Variants in GALNT17 observed in about 807,000 individuals in gnomAD.
The protein encoded by GALNT17 is polypeptide N-acetylgalactosaminyltransferase 17, also known as UDP-GalNAc:polypeptide N-acetylgalactosaminyltransferase-like 3.
GALNT17 carries 29 observed loss-of-function variants against 63.7 expected under a neutral mutation model. That is an observed-to-expected ratio of 0.46 (90% CI 0.34 to 0.62). The LOEUF is 0.62. Ranked by LOEUF, GALNT17 falls within the 20% of genes least tolerant of loss-of-function variation. GALNT17 has a pLI of 0.01. For missense variants in GALNT17, 603 were observed against 799.6 expected, an observed-to-expected ratio of 0.75 and a Z score of 2.97; for synonymous variants, 305 against 318.3, an observed-to-expected ratio of 0.96 and a Z score of 0.45.
At chr7:71,705,405 T>C (rs185836792) in intron 9 of GALNT17, among the ~76,000 whole-genome samples, 1 of 152,286 alleles carries the variant, frequency 6.6e-6, no homozygotes, top group African/African-American at 2.4e-5. Context: ...CCCCGGTTCA[T>C]TGCTGGTGGG....
At chr7:71,245,760 G>A (rs1304880735) in intron 1 of GALNT17, among the ~76,000 whole-genome samples, 3 of 151,792 alleles carry the variant, frequency 2.0e-5, no homozygotes, top group Admixed American at 6.6e-5. Context: ...TTAAAGAGGA[G>A]CACAGAGATC....
At chr7:71,601,779 T>A (rs1789970411) in intron 6 of GALNT17, among the ~76,000 whole-genome samples, 1 of 152,032 alleles carries the variant, frequency 6.6e-6, no homozygotes, top group African/African-American at 2.4e-5. Flanking sequence ...AGCAAGACCC[T>A]GTCTTTGGGA....
intron 1 of GALNT17, among the ~76,000 whole-genome samples, chr7:71,279,875 C>T (rs371955828): frequency 2.0e-5 from 3 of 151,612 alleles, no homozygotes; most frequent in Non-Finnish European, 2.9e-5. Context: ...TGTAAACTTT[C>T]TTGATGGTGG....
intron 8 of GALNT17, among the ~76,000 whole-genome samples, chr7:71,672,049 A>AT (rs1193773726): frequency 7.2e-6 from 1 of 138,652 alleles, no homozygotes; most frequent in African/African-American, 2.6e-5. Flanking sequence ...AAAAAAAAAA[A>AT]TGGTACCTGG....
chr7:71,646,175 A>G (rs1790672818), intron 6 of GALNT17, among the ~76,000 whole-genome samples: 1 of 152,192 alleles, frequency 6.6e-6, no homozygotes, highest in African/African-American at 2.4e-5. Flanking sequence ...ACGTTTTAAC[A>G]CCCATTTCAG....
At chr7:71,551,772 AAG>A (rs10557937) in intron 5 of GALNT17, among the ~76,000 whole-genome samples, 6 of 111,188 alleles carry the variant, frequency 5.4e-5, no homozygotes, top group South Asian at 2.8e-4. Flanking sequence ...AAAAAAAAAA[AAG>A]AGAGAGAGAG....
At chr7:71,430,680 T>TA (rs756593367) in intron 5 of GALNT17, among the ~76,000 whole-genome samples, 7 of 152,240 alleles carry the variant, frequency 4.6e-5, no homozygotes, top group Non-Finnish European at 8.8e-5. Context: ...TGGGTGCTGT[T>TA]AGAGCCTGTT....
At chr7:71,381,381 G>T (rs1371272120) in intron 2 of GALNT17, among the ~76,000 whole-genome samples, 1 of 152,168 alleles carries the variant, frequency 6.6e-6, no homozygotes, top group African/African-American at 2.4e-5. Context: ...GGAGTAGGAG[G>T]CACTATCCCT....
chr7:71,585,706 T>C (rs1204726569), intron 6 of GALNT17, among the ~76,000 whole-genome samples: 1 of 152,154 alleles, frequency 6.6e-6, no homozygotes, highest in Non-Finnish European at 1.5e-5. Context: ...TATTTACTTT[T>C]ATTAAAGCAT....
chr7:71,600,184 A>G (rs1259619242), intron 6 of GALNT17, among the ~76,000 whole-genome samples: 2 of 151,864 alleles, frequency 1.3e-5, no homozygotes, highest in African/African-American at 4.8e-5. Flanking sequence ...GCCACAGTGT[A>G]TAAGCAGATG....
At chr7:71,564,868 C>G (rs1295002626) in intron 5 of GALNT17, among the ~76,000 whole-genome samples, 1 of 152,198 alleles carries the variant, frequency 6.6e-6, no homozygotes, top group Non-Finnish European at 1.5e-5. Context: ...CTGAGCAGAG[C>G]TGTTTCCAGC....
intron 6 of GALNT17, among the ~76,000 whole-genome samples, chr7:71,615,310 C>G (rs1790184834): frequency 6.6e-6 from 1 of 152,092 alleles, no homozygotes; most frequent in Non-Finnish European, 1.5e-5. Context: ...CCCCTTGTCC[C>G]AGGCTGAGTC....
chr7:71,550,158 G>A (rs1175797459), intron 5 of GALNT17, among the ~76,000 whole-genome samples: 1 of 151,838 alleles, frequency 6.6e-6, no homozygotes, highest in Non-Finnish European at 1.5e-5. Flanking sequence ...CAGGTTCATT[G>A]TAAAGGCATG....
At chr7:71,697,903 A>G (rs1791567983) in intron 9 of GALNT17, among the ~76,000 whole-genome samples, 1 of 152,024 alleles carries the variant, frequency 6.6e-6, no homozygotes, top group Non-Finnish European at 1.5e-5. Context: ...CAGGCAGATC[A>G]CCTGAGGTCA....
chr7:71,166,752 T>A (rs1788448048), intron 1 of GALNT17, among the ~76,000 whole-genome samples: 1 of 152,232 alleles, frequency 6.6e-6, no homozygotes, highest in South Asian at 2.1e-4. Flanking sequence ...CCATGTGTAT[T>A]GTCTCCAGAT....
intron 1 of GALNT17, among the ~76,000 whole-genome samples, chr7:71,222,105 C>T (rs950952646): frequency 1.3e-5 from 2 of 151,550 alleles, no homozygotes; most frequent in African/African-American, 4.9e-5. Flanking sequence ...TGGGGTTTCA[C>T]CATGTTGGCC....
chr7:71,257,044 CTGTG>C (rs372866646), intron 1 of GALNT17, among the ~76,000 whole-genome samples: 17 of 152,308 alleles, frequency 1.1e-4, no homozygotes, highest in African/African-American at 4.1e-4. Context: ...TGAGCGGCCT[CTGTG>C]TGACCACTTC....
chr7:71,155,017 A>C (rs12665914), intron 1 of GALNT17, among the ~76,000 whole-genome samples: 51,185 of 151,664 alleles, frequency 0.34, 9,336 homozygotes, highest in Middle Eastern at 0.38. Context: ...CAGCCTGACT[A>C]TTGCAGTGGG....
At chr7:71,628,448 G>C (rs951648387) in intron 6 of GALNT17, among the ~76,000 whole-genome samples, 7 of 151,944 alleles carry the variant, frequency 4.6e-5, no homozygotes, top group African/African-American at 1.7e-4. Context: ...CCAGCCTCCC[G>C]AGTAACTGGG....
Sources: gnomAD v4.1 joint callset for allele counts (sites outside exome capture counted in the v4.1 genomes callset) on GRCh38, gnomAD v4.1.1 for gene constraint, MANE v1.5 for transcripts, NCBI Gene and HGNC (gene_info 2026-07-23, HGNC 2026-07-21) for gene names.